Variants in DCC observed in about 807,000 individuals in gnomAD.
DCC encodes DCC netrin 1 receptor.
Under a neutral mutation model 172.5 loss-of-function variants are expected in DCC, and 58 were observed. That is an observed-to-expected ratio of 0.34 (90% CI 0.27 to 0.42). The LOEUF is 0.42. Ranked by LOEUF, DCC falls within the 10% of genes least tolerant of loss-of-function variation. DCC has a pLI of 1.00. For missense variants in DCC, 1,740 were observed against 1,791.0 expected (o/e 0.97, Z 0.51); for synonymous variants, 709 against 644.5 (o/e 1.10, Z -1.52).
intron 5 of DCC, among the ~76,000 whole-genome samples, chr18:52,945,349 G>A (rs2040527773): frequency 6.6e-6 from 1 of 152,030 alleles, no homozygotes; most frequent in African/African-American, 2.4e-5. Flanking sequence ...ATTTAATAGT[G>A]AAAATATATG....
intron 1 of DCC, among the ~76,000 whole-genome samples, chr18:52,642,714 A>G (rs1434885551): frequency 6.6e-6 from 1 of 152,062 alleles, no homozygotes; most frequent in African/African-American, 2.4e-5. Flanking sequence ...CTCAGGCTGG[A>G]GTGCAATGGC....
intron 1 of DCC, among the ~76,000 whole-genome samples, chr18:52,653,634 G>A (rs1406713612): frequency 6.6e-6 from 1 of 152,174 alleles, no homozygotes; most frequent in East Asian, 1.9e-4. Context: ...AGGAGTTTTA[G>A]CATGAGTAGG....
At chr18:53,184,367 C>T (rs866645440) in intron 9 of DCC, among the ~76,000 whole-genome samples, 29 of 152,054 alleles carry the variant, frequency 1.9e-4, no homozygotes, top group Middle Eastern at 3.4e-3. Context: ...AAATACATTC[C>T]AAGAAATGCA....
At chr18:52,725,807 A>C (rs1483605752) in intron 1 of DCC, among the ~76,000 whole-genome samples, 3 of 152,222 alleles carry the variant, frequency 2.0e-5, no homozygotes, top group African/African-American at 7.2e-5. Flanking sequence ...AATGAAATAC[A>C]TATCAGTATA....
At chr18:53,312,032 G>T (rs574066759) in intron 13 of DCC, among the ~76,000 whole-genome samples, 14 of 152,042 alleles carry the variant, frequency 9.2e-5, no homozygotes, top group African/African-American at 3.4e-4. Flanking sequence ...ACAGTGGGTA[G>T]GGCGCGGTGG....
At chr18:53,362,524 C>T (rs1360315735) in intron 15 of DCC, among the ~76,000 whole-genome samples, 2 of 152,120 alleles carry the variant, frequency 1.3e-5, no homozygotes, top group Non-Finnish European at 2.9e-5. Context: ...CCACTCATGG[C>T]CTTCACAAGA....
chr18:52,542,952 A>G (rs2032503580), intron 1 of DCC, among the ~76,000 whole-genome samples: 1 of 152,208 alleles, frequency 6.6e-6, no homozygotes, highest in Non-Finnish European at 1.5e-5. Flanking sequence ...AATGCTATTG[A>G]ATATTCGAAG....
intron 2 of DCC, among the ~76,000 whole-genome samples, chr18:52,776,480 G>T (rs888397858): frequency 9.9e-5 from 15 of 152,088 alleles, no homozygotes; most frequent in Admixed American, 7.9e-4. Flanking sequence ...AGTAGGATTA[G>T]GTCAAGAGTT....
At chr18:53,478,019 T>C (rs944873388) in intron 25 of DCC, among the ~76,000 whole-genome samples, 1 of 152,218 alleles carries the variant, frequency 6.6e-6, no homozygotes, top group Non-Finnish European at 1.5e-5. Flanking sequence ...GACTGGAAGA[T>C]AGGAGATTTA....
intron 12 of DCC, among the ~76,000 whole-genome samples, chr18:53,251,668 T>A (rs895854795): frequency 7.2e-5 from 11 of 151,924 alleles, no homozygotes; most frequent in Non-Finnish European, 1.5e-4. Flanking sequence ...AAATTGCGTG[T>A]GTGAGTGTGT....
At chr18:52,886,476 G>A (rs2039571008) in intron 2 of DCC, among the ~76,000 whole-genome samples, 1 of 152,178 alleles carries the variant, frequency 6.6e-6, no homozygotes, top group African/African-American at 2.4e-5. Flanking sequence ...CCCAGTCGCT[G>A]TGCTGTCTGT....
At chr18:53,233,740 T>C (rs2056157488) in intron 12 of DCC, among the ~76,000 whole-genome samples, 1 of 152,208 alleles carries the variant, frequency 6.6e-6, no homozygotes, top group South Asian at 2.1e-4. Flanking sequence ...ACCTTTTTTA[T>C]GTGGCATAGT....
In DCC at chr18:52,556,615, G is replaced by A. The variant is rs188001997; in HGVS notation, c.92-195439G>A. 2.2e-4 allele frequency among the ~76,000 whole-genome samples: 33 copies of A among 152,100 alleles called. No individual in the cohort carries two copies. In the East Asian group the frequency reaches 6.0e-3, roughly 28 times the overall value. On this transcript the variant is annotated intron_variant, in intron 1 of 28. Coordinates refer to ENST00000442544, the MANE Select transcript of DCC (RefSeq NM_005215.4). ...TTTTCACAGTAAAAATCTCACCCCT[G>A]GATGGAAATTTGAGATGCTAATGAG... is the stretch of plus-strand genomic sequence containing the variant.
At chr18:52,378,386 A>G (rs1040741032) in intron 1 of DCC, among the ~76,000 whole-genome samples, 1 of 152,110 alleles carries the variant, frequency 6.6e-6, no homozygotes, top group African/African-American at 2.4e-5. Context: ...GCATCCTTAC[A>G]TTGTAATCCA....
intron 12 of DCC, among the ~76,000 whole-genome samples, chr18:53,255,810 C>A (rs1398308587): frequency 1.3e-5 from 2 of 152,162 alleles, no homozygotes; most frequent in African/African-American, 4.8e-5. Flanking sequence ...AATGGTTGAA[C>A]TAGTTTACAG....
chr18:52,659,259 C>A (rs28446285), intron 1 of DCC, among the ~76,000 whole-genome samples: 5,435 of 152,166 alleles, frequency 0.036, 219 homozygotes, highest in African/African-American at 0.1. Context: ...AAATAAACCT[C>A]TCATTTGGGG....
intron 25 of DCC, among the ~76,000 whole-genome samples, chr18:53,485,216 C>G (rs1332304748): frequency 6.6e-6 from 1 of 152,030 alleles, no homozygotes; most frequent in Non-Finnish European, 1.5e-5. Flanking sequence ...GGTAACCAAC[C>G]TACTATCTAC....
chr18:52,930,483 T>C (rs1043955870), intron 5 of DCC, among the ~76,000 whole-genome samples: 2 of 152,138 alleles, frequency 1.3e-5, no homozygotes, highest in Non-Finnish European at 2.9e-5. Flanking sequence ...TTGTCATTTA[T>C]TTGCTCATAT....
At chr18:52,662,023 G>T (rs552067010) in intron 1 of DCC, among the ~76,000 whole-genome samples, 14 of 152,272 alleles carry the variant, frequency 9.2e-5, no homozygotes, top group African/African-American at 3.1e-4. Flanking sequence ...TCTCACAATA[G>T]ATAAGAAGAC....
Sources: gnomAD v4.1 joint callset for allele counts (sites outside exome capture counted in the v4.1 genomes callset) on GRCh38, gnomAD v4.1.1 for gene constraint, MANE v1.5 for transcripts, NCBI Gene and HGNC (gene_info 2026-07-23, HGNC 2026-07-21) for gene names.